The following RAB38 variants were observed in gnomAD, a reference collection of about 807,000 sequenced individuals.
RAB38 encodes the protein ras-related protein Rab-38.
RAB38 carries 15 observed loss-of-function variants against 18.4 expected under a neutral mutation model. The ratio of observed to expected loss-of-function variants is 0.82; its 90% CI spans 0.55 to 1.26. The LOEUF (loss-of-function observed/expected upper bound fraction) is 1.26, where lower values mean the gene tolerates loss of function less well. RAB38 is among the 50% of genes most tolerant of loss of function. The pLI is 0.00. For missense variants in RAB38, 294 were observed against 267.4 expected, an observed-to-expected ratio of 1.10 and a Z score of -0.69; for synonymous variants, 101 against 104.4, an observed-to-expected ratio of 0.97 and a Z score of 0.20.
At chr11:87,926,513 TTTGTTTG>T in the RAB38 span, among the ~76,000 whole-genome samples, 1 of 59,426 alleles carries the variant, frequency 1.7e-5, no homozygotes, top group African/African-American at 8.6e-5. Context: ...TGGTGGTTTT[TTTGTTTG>T]TTTGTTTGTT....
At chr11:88,103,504 A>C in the RAB38 span, among the ~76,000 whole-genome samples, 1 of 152,128 alleles carries the variant, frequency 6.6e-6, no homozygotes, top group South Asian at 2.1e-4. Context: ...TAGTGGAGCC[A>C]CACAAGACAA....
the RAB38 span, among the ~76,000 whole-genome samples, chr11:87,964,913 G>C: frequency 6.6e-6 from 1 of 152,074 alleles, no homozygotes; most frequent in African/African-American, 2.4e-5. Context: ...CAGCTTTCTC[G>C]CTCACTTGCA....
At chr11:87,814,215 G>A in the RAB38 span, among the ~76,000 whole-genome samples, 2 of 152,282 alleles carry the variant, frequency 1.3e-5, no homozygotes, top group Admixed American at 6.5e-5. Flanking sequence ...CTAAAGCTTG[G>A]TAGGGGATAT....
the RAB38 span, among the ~76,000 whole-genome samples, chr11:87,915,840 G>A: frequency 3.3e-5 from 5 of 152,216 alleles, no homozygotes; most frequent in African/African-American, 1.2e-4. Context: ...CATGAGGTGG[G>A]ACTGACTGCT....
chr11:88,141,388 C>T (rs1447969452), intron 2 of RAB38, among the ~76,000 whole-genome samples: 3 of 152,176 alleles, frequency 2.0e-5, no homozygotes, highest in Non-Finnish European at 4.4e-5. Context: ...GCACAGTACA[C>T]ACACTCTTCC....
At chr11:88,005,608 A>G in the RAB38 span, among the ~76,000 whole-genome samples, 1 of 149,748 alleles carries the variant, frequency 6.7e-6, no homozygotes, top group Admixed American at 6.7e-5. Context: ...ATTTCATATG[A>G]TACCATTTGT....
chr11:87,948,217 A>C, the RAB38 span, among the ~76,000 whole-genome samples: 2 of 152,168 alleles, frequency 1.3e-5, no homozygotes, highest in Non-Finnish European at 2.9e-5. Context: ...GGTGTATAAG[A>C]ATCCTTGTGA....
At chr11:87,859,437 T>C in the RAB38 span, among the ~76,000 whole-genome samples, 1 of 152,040 alleles carries the variant, frequency 6.6e-6, no homozygotes, top group Non-Finnish European at 1.5e-5. Flanking sequence ...AATGACCTAA[T>C]AGAAAAATAG....
chr11:87,961,722 C>T, the RAB38 span, among the ~76,000 whole-genome samples: 6 of 152,182 alleles, frequency 3.9e-5, no homozygotes, highest in African/African-American at 4.8e-5. Context: ...AGGGACATCA[C>T]GCCATGAGCT....
chr11:87,968,219 G>A, the RAB38 span, among the ~76,000 whole-genome samples: 9 of 152,150 alleles, frequency 5.9e-5, no homozygotes, highest in East Asian at 1.7e-3. Flanking sequence ...TGGTTTCCAG[G>A]ACCTTACTGG....
chr11:87,865,358 A>G, the RAB38 span, among the ~76,000 whole-genome samples: 2 of 151,694 alleles, frequency 1.3e-5, no homozygotes, highest in African/African-American at 4.8e-5. Flanking sequence ...AATCAGAAGG[A>G]AAAAATAAAA....
chr11:88,115,048 T>C (rs1042260201), intron 2 of RAB38, among the ~76,000 whole-genome samples: 1 of 152,228 alleles, frequency 6.6e-6, no homozygotes, highest in Non-Finnish European at 1.5e-5. Flanking sequence ...AACATTTGAA[T>C]CTAAAATATG....
the RAB38 span, among the ~76,000 whole-genome samples, chr11:88,003,944 G>T: frequency 8.8e-5 from 10 of 113,010 alleles, no homozygotes; most frequent in South Asian, 2.7e-4. Context: ...TACTTATATA[G>T]AGAGATATAT....
chr11:87,943,397 G>A, the RAB38 span, among the ~76,000 whole-genome samples: 5 of 151,998 alleles, frequency 3.3e-5, no homozygotes, highest in Non-Finnish European at 5.9e-5. Context: ...ACCCATCATT[G>A]CCTCTCTGGT....
chr11:87,968,117 A>T, the RAB38 span, among the ~76,000 whole-genome samples: 8 of 152,314 alleles, frequency 5.3e-5, no homozygotes, highest in Non-Finnish European at 1.2e-4. Context: ...TTAGAAAAAT[A>T]CAGAGAGATG....
chr11:87,945,044 A>G, the RAB38 span, among the ~76,000 whole-genome samples: 1 of 152,116 alleles, frequency 6.6e-6, no homozygotes, highest in African/African-American at 2.4e-5. Context: ...AATGTAAGAG[A>G]GTTACAAGGT....
the RAB38 span, among the ~76,000 whole-genome samples, chr11:88,057,300 C>G: frequency 3.3e-5 from 5 of 152,118 alleles, no homozygotes; most frequent in Admixed American, 6.6e-5. Flanking sequence ...ACCATGCATC[C>G]TCATTTGAAG....
chr11:87,923,529 T>G, the RAB38 span, among the ~76,000 whole-genome samples: 1 of 150,000 alleles, frequency 6.7e-6, no homozygotes, highest in Admixed American at 6.7e-5. Context: ...CTTGCTCCAA[T>G]GTAAGAGTCA....
At chr11:87,944,041 G>T in the RAB38 span, among the ~76,000 whole-genome samples, 1 of 151,950 alleles carries the variant, frequency 6.6e-6, no homozygotes, top group African/African-American at 2.4e-5. Flanking sequence ...CAATAATAAA[G>T]CAAATGTCAC....
Sources: allele counts gnomAD v4.1 joint callset (sites outside exome capture counted in the v4.1 genomes callset), GRCh38; gene constraint gnomAD v4.1.1; transcripts MANE v1.5; gene names NCBI Gene and HGNC (gene_info 2026-07-23, HGNC 2026-07-21).